Variants in SAMSN1 observed in about 807,000 individuals in gnomAD.
The protein encoded by SAMSN1 is SAM domain, SH3 domain and nuclear localization signals 1, also known as SAM domain-containing protein SAMSN-1.
A neutral mutation model predicts 42.0 loss-of-function variants in SAMSN1; 31 were observed. That is an observed-to-expected ratio of 0.74 (90% CI 0.55 to 1.00). The LOEUF (loss-of-function observed/expected upper bound fraction) is 1.00. SAMSN1 is among the 50% of genes least tolerant of loss of function. The pLI, the probability that SAMSN1 is intolerant of heterozygous loss-of-function variation, is 0.00. For synonymous variants in SAMSN1, 178 were observed against 151.9 expected (o/e 1.17, Z -1.26); for missense variants, 464 against 439.4 (o/e 1.06, Z -0.50).
chr21:14,564,674 T>C (rs1160932621), intron 2 of SAMSN1, among the ~76,000 whole-genome samples: 1 of 152,220 alleles, frequency 6.6e-6, no homozygotes, highest in Non-Finnish European at 1.5e-5. Context: ...CTTTATTTTA[T>C]AGTCAAAGAA....
chr21:14,494,714 A>T (rs1307406905), intron 7 of SAMSN1, among the ~76,000 whole-genome samples: 1 of 152,180 alleles, frequency 6.6e-6, no homozygotes, highest in Non-Finnish European at 1.5e-5. Context: ...AATACAAAAA[A>T]AAAAAAAAGT....
chr21:14,547,556 A>G (rs1213059809), upstream of SAMSN1, among the ~76,000 whole-genome samples: 1 of 152,214 alleles, frequency 6.6e-6, no homozygotes, highest in Non-Finnish European at 1.5e-5. Flanking sequence ...TTAAGAAAAT[A>G]AACCTAGATT....
intron 5 of SAMSN1, among the ~76,000 whole-genome samples, chr21:14,606,644 T>G (rs902596425): frequency 6.6e-6 from 1 of 152,224 alleles, no homozygotes; most frequent in Admixed American, 6.5e-5. Context: ...TAATTTCTCC[T>G]CACACCTAAG....
chr21:14,532,061 G>A (rs1190908187), intron 1 of SAMSN1, among the ~76,000 whole-genome samples: 1 of 151,966 alleles, frequency 6.6e-6, no homozygotes, highest in Non-Finnish European at 1.5e-5. Flanking sequence ...CTGATTAATG[G>A]TCACCGCCAG....
rs927706640 is a variant in SAMSN1 at position 14,616,419 on chromosome 21, C to T, written c.157-403G>A. On this transcript the variant is annotated intron_variant, in intron 2 of 15. Transcript: ENST00000647101. ...CCAAAACCAAGGAGAGAGACACATA[C>T]CTGGGTGTGTTAGTTGTATCATAGA... Among the ~76,000 whole-genome samples the T allele has an allele frequency of 2.0e-5, 3 of 152,214 alleles. No individual in the cohort carries two copies. The Middle Eastern group carries it at 0.01, about 518-fold the overall frequency.
chr21:14,604,038 C>A (rs948987035), intron 5 of SAMSN1, among the ~76,000 whole-genome samples: 3 of 152,128 alleles, frequency 2.0e-5, no homozygotes, highest in African/African-American at 7.2e-5. Flanking sequence ...TTTTACAGCC[C>A]CTGCTGTAAA....
At chr21:14,553,669 T>G (rs770488989) in intron 2 of SAMSN1, among the ~76,000 whole-genome samples, 5 of 152,160 alleles carry the variant, frequency 3.3e-5, no homozygotes, top group African/African-American at 4.8e-5. Context: ...TATATTGACT[T>G]GAAATCGAAT....
At chr21:14,658,027 T>C (rs1449263553) in intron 1 of SAMSN1, among the ~76,000 whole-genome samples, 2 of 151,860 alleles carry the variant, frequency 1.3e-5, no homozygotes. Context: ...TGAATAGACA[T>C]AATGCCCTGC....
intron 2 of SAMSN1, among the ~76,000 whole-genome samples, chr21:14,630,802 GCCATTGTTAATCTCATTTTCTT>G (rs1485239356): frequency 6.6e-6 from 1 of 152,144 alleles, no homozygotes; most frequent in Non-Finnish European, 1.5e-5. Context: ...GCTGATGGAT[GCCATTGTTAATCTCATTTTCTT>G]CCTTTAGTGT....
At chr21:14,564,916 C>T (rs563363230) in intron 2 of SAMSN1, among the ~76,000 whole-genome samples, 1 of 152,136 alleles carries the variant, frequency 6.6e-6, no homozygotes, top group Admixed American at 6.5e-5. Flanking sequence ...GTTCAGGAAT[C>T]AAAGGGATGG....
At chr21:14,503,832 T>C (rs1987282694) in intron 5 of SAMSN1, among the ~76,000 whole-genome samples, 1 of 152,116 alleles carries the variant, frequency 6.6e-6, no homozygotes, top group Non-Finnish European at 1.5e-5. Flanking sequence ...ACAGATCCCC[T>C]GAAGGAAGTG....
intron 2 of SAMSN1, among the ~76,000 whole-genome samples, chr21:14,565,514 G>T (rs552871022): frequency 3.3e-5 from 5 of 152,242 alleles, no homozygotes; most frequent in Admixed American, 1.3e-4. Context: ...GTTTTGTGAT[G>T]CAGCTTTCTG....
At chr21:14,649,288 G>T (rs1357823822) in intron 1 of SAMSN1, among the ~76,000 whole-genome samples, 6 of 129,730 alleles carry the variant, frequency 4.6e-5, no homozygotes, top group African/African-American at 1.7e-4. Context: ...GGGGGGAGGG[G>T]GGGAGGGATA....
intron 2 of SAMSN1, among the ~76,000 whole-genome samples, chr21:14,616,394 C>G (rs903313430): frequency 2.0e-5 from 3 of 152,082 alleles, no homozygotes; most frequent in Non-Finnish European, 2.9e-5. Context: ...CATCAATCCA[C>G]CAAAACCAAG....
rs544658698 is a variant in SAMSN1 at position 14,627,978 on chromosome 21, C to A, written c.157-11962G>T. Among the ~76,000 whole-genome samples the A allele has an allele frequency of 3.3e-4, 50 of 152,112 alleles. No individual in the cohort carries two copies. The South Asian group carries it at 4.1e-3, about 13-fold the overall frequency. On this transcript the variant is annotated intron_variant, in intron 2 of 15. Transcript: ENST00000647101. Reference sequence around the variant, plus strand: ...TCTCCTTCCATGTTGAATATCCTCACCCAAAAAGTGAGACAAAGTTTGCTC... The same window carrying A: ...TCTCCTTCCATGTTGAATATCCTCAACCAAAAAGTGAGACAAAGTTTGCTC...
At chr21:14,556,552 C>A (rs889144199) in intron 2 of SAMSN1, among the ~76,000 whole-genome samples, 6 of 152,082 alleles carry the variant, frequency 3.9e-5, no homozygotes, top group African/African-American at 7.2e-5. Flanking sequence ...GGAATTCCAC[C>A]TTTTCTTTTT....
intron 6 of SAMSN1, chr21:14,598,415 T>A (rs990233660): frequency 1.3e-5 from 2 of 152,176 alleles, no homozygotes; most frequent in Admixed American, 1.3e-4. Context: ...AGAACAAGAA[T>A]GCAAAAATAA....
intron 5 of SAMSN1, among the ~76,000 whole-genome samples, chr21:14,607,012 G>C (rs1413407709): frequency 1.3e-5 from 2 of 152,152 alleles, no homozygotes; most frequent in Non-Finnish European, 2.9e-5. Context: ...TTGAAATTGA[G>C]GAAAATTACT....
chr21:14,651,819 T>C (rs367862813), intron 1 of SAMSN1, among the ~76,000 whole-genome samples: 8 of 152,012 alleles, frequency 5.3e-5, no homozygotes, highest in African/African-American at 1.9e-4. Context: ...TAAACAAATT[T>C]AGCAACGTTG....
Sources: allele counts gnomAD v4.1 joint callset (sites outside exome capture counted in the v4.1 genomes callset), GRCh38; gene constraint gnomAD v4.1.1; transcripts MANE v1.5; gene names NCBI Gene and HGNC (gene_info 2026-07-23, HGNC 2026-07-21).